Variants in IGF2BP1 observed in about 807,000 individuals in gnomAD.
IGF2BP1 encodes the protein insulin-like growth factor 2 mRNA-binding protein 1.
Under a neutral mutation model 74.9 loss-of-function variants are expected in IGF2BP1, and 11 were observed. The observed-to-expected ratio is 0.15, with a 90% CI of 0.09 to 0.24. The LOEUF (loss-of-function observed/expected upper bound fraction) is 0.24, where lower values mean the gene tolerates loss of function less well. Among genes scored for constraint, IGF2BP1 ranks in the 10% least tolerant of loss-of-function variants. The pLI, the probability that IGF2BP1 is intolerant of heterozygous loss-of-function variation, is 1.00. For missense variants in IGF2BP1, 440 were observed against 757.4 expected (o/e 0.58, Z 4.92); for synonymous variants, 287 against 281.8 (o/e 1.02, Z -0.18).
At chr17:49,049,225 T>A in intron 14 of IGF2BP1, 127 bp from the exon 15 acceptor site, 2 of 697,562 alleles carry the variant, frequency 2.9e-6, no homozygotes, top group Non-Finnish European at 2.4e-6. Flanking sequence ...TTCCTCTTTA[T>A]CTTTCTTCTG....
At chr17:48,999,820 A>C (rs2041463147) in intron 2 of IGF2BP1, among the ~76,000 whole-genome samples, 1 of 145,258 alleles carries the variant, frequency 6.9e-6, no homozygotes. Flanking sequence ...CCCTACCCCC[A>C]CTCCTTCAGC....
At chr17:49,033,680 A>G (rs900244067) in intron 5 of IGF2BP1, among the ~76,000 whole-genome samples, 5 of 152,044 alleles carry the variant, frequency 3.3e-5, no homozygotes, top group Non-Finnish European at 5.9e-5. Context: ...AGCCTTGGGA[A>G]TGGATGATGC....
At position 49,055,107 on chromosome 17, in the gene IGF2BP1, A is replaced by G. The variant is rs1443277263; in HGVS notation, c.*5663A>G. On this transcript the variant is annotated 3_prime_UTR_variant, in exon 15 of 15. Transcript: ENST00000290341. ...AGATTTCTTTTTCCAAAGGAAAAAA[A>G]TATTACCTTGAGAATACTTTCCAAA... The G allele has an allele frequency of 6.6e-6, 1 of 151,926 alleles. No homozygotes were observed. The highest frequency in any genetic ancestry group is 1.5e-5 in the Non-Finnish European group (1 of 67,930). 9.4% of individuals were successfully genotyped at this position (151,926 alleles called of 1,614,324 possible).
At chr17:49,028,382 C>G (rs1184456216) in intron 4 of IGF2BP1, among the ~76,000 whole-genome samples, 1 of 152,196 alleles carries the variant, frequency 6.6e-6, no homozygotes, top group Non-Finnish European at 1.5e-5. Context: ...CCTTCACCCA[C>G]GCAAGAGTAA....
Position 48,997,612 on chromosome 17 carries a change from C to T in IGF2BP1, c.-134C>T, listed in dbSNP as rs2041900769. 1 of 963,354 alleles carries T rather than the reference C, an allele frequency of 1.0e-6. No individual in the cohort carries two copies. Among genetic ancestry groups the T allele is most frequent in the Non-Finnish European group, 1.5e-6 (1 of 654,534 alleles). 59.7% of individuals were successfully genotyped at this position (963,354 alleles called of 1,614,324 possible). A position where few individuals can be genotyped will look rare whatever the true frequency, so the allele number is the denominator to read the frequency against. ...CTTCCCCGCCCTGGGCTCGGGACAA[C>T]TTCTGGGGTGGGGTGCAAAGAAAGT... is the stretch of plus-strand genomic sequence containing the variant. On this transcript the variant is annotated 5_prime_UTR_variant, in exon 1 of 15. Transcript: ENST00000290341. This position sits in a 1 kb window ranked among gnomAD's most constrained non-coding sequence, Gnocchi z 4.8.
chr17:49,009,286 C>A (rs780911703), intron 2 of IGF2BP1, among the ~76,000 whole-genome samples: 8 of 152,044 alleles, frequency 5.3e-5, no homozygotes, highest in Non-Finnish European at 1.0e-4. Flanking sequence ...CACCTCAACC[C>A]CCAACAAGGT....
At chr17:48,998,549 C>A (rs1250355279) in intron 1 of IGF2BP1, among the ~76,000 whole-genome samples, 1 of 152,140 alleles carries the variant, frequency 6.6e-6, no homozygotes, top group African/African-American at 2.4e-5. Flanking sequence ...CTTCCCGAGA[C>A]GCCGAGGCTG....
chr17:49,040,039 G>A lies in IGF2BP1; in HGVS notation c.766G>A (p.Ala256Thr), dbSNP rs777305494. The A allele has an allele frequency of 5.0e-6, 8 of 1,613,856 alleles. No homozygotes were observed. The highest frequency in any genetic ancestry group is 2.7e-5 in the African/African-American group (2 of 74,856). ...VHSTPEGCSS[A>T]CKMILEIMHK... ...CTCCACCCCTGAGGGCTGCTCCTCC[G>A]CTTGTAAGATGATCTTGGAGATTAT... The change falls in exon 7 of 15, where the codon GCT becomes ACT. Residue 256 changes from alanine (A) to threonine (T), a missense_variant. Transcript: ENST00000290341.
chr17:49,047,548 C>T (rs2042119506), intron 14 of IGF2BP1, among the ~76,000 whole-genome samples: 1 of 151,354 alleles, frequency 6.6e-6, no homozygotes, highest in Admixed American at 6.6e-5. Flanking sequence ...AAGGATACCT[C>T]CAAAGATGCA....
At chr17:49,008,461 G>A (rs1017598014) in intron 2 of IGF2BP1, among the ~76,000 whole-genome samples, 6 of 152,220 alleles carry the variant, frequency 3.9e-5, no homozygotes, top group African/African-American at 1.4e-4. Flanking sequence ...TTTTAGAATA[G>A]AGTGGAGTGA....
chr17:49,015,416 G>GCCTTCCCGAC (rs2041687000), intron 2 of IGF2BP1, among the ~76,000 whole-genome samples: 1 of 152,186 alleles, frequency 6.6e-6, no homozygotes, highest in Non-Finnish European at 1.5e-5. Context: ...GAGCTTAGTA[G>GCCTTCCCGAC]CCTTCCCGAC....
intron 5 of IGF2BP1, among the ~76,000 whole-genome samples, chr17:49,037,843 C>T (rs144596834): frequency 7.0e-4 from 106 of 152,302 alleles, no homozygotes; most frequent in African/African-American, 2.4e-3. Flanking sequence ...ATGGCTTGCT[C>T]TTCCTTTTTA....
Position 49,046,318 on chromosome 17 carries a change from C to T in IGF2BP1, c.1586C>T (p.Pro529Leu), listed in dbSNP as rs1158618978. The T allele has an allele frequency of 1.2e-6, 2 of 1,614,182 alleles. No homozygotes were observed. Among genetic ancestry groups the T allele is most frequent in the Admixed American group, 3.3e-5 (2 of 60,026 alleles). The change falls in exon 14 of 15, where the codon CCT (proline) becomes CTT (leucine). Residue 529 changes from proline to leucine, a missense_variant. By Grantham distance (98) the Pro-to-Leu change is moderately conservative. Around this residue, in one of 5 missense-constraint regions of IGF2BP1, gnomAD observed 117 missense variants for 237.2 expected, o/e 0.49. Transcript: ENST00000290341. ...AEVVVPRDQT[P>L]DENDQVIVKI... ...GTGGTAGTACCAAGAGACCAGACCC[C>T]TGATGAGAACGACCAGGTCATCGTG...
At position 49,049,346 on chromosome 17, in the gene IGF2BP1, C is replaced by G. The variant is rs201350198; in HGVS notation, c.1642-6C>G. The G allele has an allele frequency of 4.0e-4, 646 of 1,613,712 alleles. No homozygotes were observed. Among genetic ancestry groups the G allele is most frequent in the Non-Finnish European group, 5.4e-4 (635 of 1,179,816 alleles). ...ACACCCACTCTCTTGCCTGTTCTTG[C>G]TGCAGATGGCTCAACGGAAGATCCG... is the stretch of plus-strand genomic sequence containing the variant. On this transcript the variant is annotated splice_polypyrimidine_tract_variant and splice_region_variant and intron_variant, in intron 14 of 14. Coordinates refer to ENST00000290341, the MANE Select transcript of IGF2BP1 (RefSeq NM_006546.4).
chr17:49,041,491 C>T lies in IGF2BP1; in HGVS notation c.932C>T (p.Thr311Ile), dbSNP rs1441769609. The T allele has an allele frequency of 3.0e-5, 48 of 1,614,016 alleles. No homozygotes were observed. Among genetic ancestry groups the T allele is most frequent in the Non-Finnish European group, 4.1e-5 (48 of 1,180,026 alleles). Residue 311 changes from threonine (T) to isoleucine (I), a missense_variant, in exon 8 of 15, where the codon ACC (threonine) becomes ATC (isoleucine). By Grantham distance (89) the Thr-to-Ile change is moderately conservative. This residue lies in a region of IGF2BP1 where 184 missense variants were observed against 273.4 expected (regional missense o/e 0.67). Coordinates refer to ENST00000290341, the MANE Select transcript of IGF2BP1 (RefSeq NM_006546.4). ...KVEQDTETKITISSLQDLTLY... is the reference protein window; with the variant it reads ...KVEQDTETKIIISSLQDLTLY... ...GAGCAAGATACCGAGACAAAAATCA[C>T]CATCTCCTCGTAAGGCTCTCTTCTA...
chr17:49,033,350 TA>T (rs1255760018), intron 5 of IGF2BP1, among the ~76,000 whole-genome samples: 2 of 148,632 alleles, frequency 1.3e-5, no homozygotes, highest in Non-Finnish European at 3.0e-5. Flanking sequence ...ATTTTTATTT[TA>T]TTTTTTTTGA....
At chr17:49,032,135 G>T (rs1324112436) in intron 5 of IGF2BP1, among the ~76,000 whole-genome samples, 162 bp downstream of exon 5, 1 of 152,108 alleles carries the variant, frequency 6.6e-6, no homozygotes, top group African/African-American at 2.4e-5. Context: ...TCCATAAAAG[G>T]TTTCTTCAGG....
chr17:49,025,313 A>AGTGTGTGTGTGTGTGT (rs369153046), intron 2 of IGF2BP1, among the ~76,000 whole-genome samples: 11 of 133,552 alleles, frequency 8.2e-5, no homozygotes, highest in East Asian at 2.2e-4. Flanking sequence ...GGACAAACAA[A>AGTGTGTGTGTGTGTGT]GTGTGTGTGT....
At chr17:49,028,632 A>G (rs1567819898) in intron 4 of IGF2BP1, among the ~76,000 whole-genome samples, 4 of 152,146 alleles carry the variant, frequency 2.6e-5, no homozygotes, top group Admixed American at 2.0e-4. Flanking sequence ...AATTTATCCA[A>G]GGCTCACTAG....
Sources: allele counts gnomAD v4.1 joint callset (sites outside exome capture counted in the v4.1 genomes callset), GRCh38; gene constraint gnomAD v4.1.1; regional missense constraint gnomAD v4.1.1; non-coding constraint Gnocchi (gnomAD v3.1); transcripts MANE v1.5; gene names NCBI Gene and HGNC (gene_info 2026-07-23, HGNC 2026-07-21).